Variants in AKAP6 observed in about 807,000 individuals in gnomAD.
AKAP6 encodes the protein A-kinase anchoring protein 6.
AKAP6 carries 58 observed loss-of-function variants against 188.5 expected under a neutral mutation model. The observed-to-expected ratio is 0.31, with a 90% CI of 0.25 to 0.38. The LOEUF (loss-of-function observed/expected upper bound fraction) is 0.38, where lower values mean the gene tolerates loss of function less well. Ranked by LOEUF, AKAP6 falls within the 10% of genes least tolerant of loss-of-function variation. The pLI, the probability that AKAP6 is intolerant of heterozygous loss-of-function variation, is 1.00. For synonymous variants in AKAP6, 989 were observed against 998.6 expected (o/e 0.99, Z 0.18); for missense variants, 2,710 against 2,740.0 (o/e 0.99, Z 0.24).
intron 8 of AKAP6, among the ~76,000 whole-genome samples, chr14:32,685,710 GC>G (rs1469215866): frequency 2.2e-5 from 3 of 138,708 alleles, no homozygotes; most frequent in African/African-American, 8.2e-5. Context: ...GGGCGACAGA[GC>G]GAGACTCCAT....
intron 1 of AKAP6, among the ~76,000 whole-genome samples, chr14:32,383,467 G>T (rs1888435028): frequency 6.6e-6 from 1 of 152,086 alleles, no homozygotes; most frequent in Admixed American, 6.5e-5. Context: ...CACATACTCT[G>T]AGGCTGAGAC....
intron 12 of AKAP6, among the ~76,000 whole-genome samples, chr14:32,801,784 T>G (rs2300849): frequency 0.43 from 65,309 of 151,990 alleles, 14,278 homozygotes; most frequent in African/African-American, 0.48. Context: ...GGAATTATAG[T>G]TTGGTGGTTT....
intron 2 of AKAP6, among the ~76,000 whole-genome samples, chr14:32,522,200 A>C (rs1594705665): frequency 6.6e-6 from 1 of 152,372 alleles, no homozygotes; most frequent in East Asian, 1.9e-4. Context: ...ATATGGATTA[A>C]AGACTTAAAT....
intron 7 of AKAP6, among the ~76,000 whole-genome samples, chr14:32,612,196 C>T (rs911114189): frequency 2.6e-5 from 4 of 152,194 alleles, no homozygotes; most frequent in African/African-American, 9.7e-5. Flanking sequence ...CCTTGTAAAA[C>T]ACCAGTTTCA....
chr14:32,742,124 T>G (rs2031707026), intron 11 of AKAP6, among the ~76,000 whole-genome samples: 1 of 151,948 alleles, frequency 6.6e-6, no homozygotes, highest in Non-Finnish European at 1.5e-5. Context: ...GTCTAGGAAT[T>G]TGTTCATTTC....
chr14:32,385,322 A>G (rs1888495099), intron 1 of AKAP6, among the ~76,000 whole-genome samples: 1 of 151,924 alleles, frequency 6.6e-6, no homozygotes, highest in Admixed American at 6.6e-5. Context: ...TTTTGATGGC[A>G]TTGGTTTGAA....
intron 1 of AKAP6, among the ~76,000 whole-genome samples, chr14:32,364,642 C>T (rs539938901): frequency 2.6e-5 from 4 of 152,248 alleles, no homozygotes; most frequent in South Asian, 2.1e-4. Flanking sequence ...TTTCCTATCT[C>T]GGCGCTGTCC....
chr14:32,535,504 C>T (rs1272135398), intron 2 of AKAP6, 50 bp from the exon 3 acceptor site: 1 of 1,574,852 alleles, frequency 6.3e-7, no homozygotes, highest in Non-Finnish European at 8.6e-7. Flanking sequence ...TCACCTCCCT[C>T]CAGGATAAGG....
At chr14:32,796,396 A>G (rs902855550) in intron 12 of AKAP6, among the ~76,000 whole-genome samples, 2 of 152,220 alleles carry the variant, frequency 1.3e-5, no homozygotes, top group Non-Finnish European at 2.9e-5. Context: ...GGCTACAGTA[A>G]CTAAAACAGC....
intron 5 of AKAP6, among the ~76,000 whole-genome samples, chr14:32,589,761 ATGCCGGGG>A (rs1885406119): frequency 6.6e-6 from 1 of 152,178 alleles, no homozygotes; most frequent in Non-Finnish European, 1.5e-5. Flanking sequence ...TTTAATTAGA[ATGCCGGGG>A]AAACACTGCA....
At chr14:32,618,774 T>C (rs946516944) in intron 7 of AKAP6, among the ~76,000 whole-genome samples, 12 of 152,216 alleles carry the variant, frequency 7.9e-5, no homozygotes, top group African/African-American at 2.9e-4. Context: ...ATCTCCATGC[T>C]GTTTTCCACA....
intron 2 of AKAP6, among the ~76,000 whole-genome samples, chr14:32,487,615 A>G (rs1305669614): frequency 2.6e-5 from 4 of 152,116 alleles, no homozygotes; most frequent in Non-Finnish European, 4.4e-5. Context: ...TTTGGAGGAG[A>G]GAGACATTCT....
At chr14:32,478,179 C>T (rs1215977182) in intron 2 of AKAP6, among the ~76,000 whole-genome samples, 3 of 152,140 alleles carry the variant, frequency 2.0e-5, no homozygotes, top group Admixed American at 6.5e-5. Context: ...TTTGGGTGCT[C>T]TTATTCAGTG....
At chr14:32,602,143 T>C (rs1406394292) in intron 7 of AKAP6, among the ~76,000 whole-genome samples, 2 of 152,148 alleles carry the variant, frequency 1.3e-5, no homozygotes, top group Non-Finnish European at 2.9e-5. Context: ...AACTCGGAGC[T>C]ATTTTAAGGA....
At chr14:32,829,483 G>T (rs1050455707) in intron 13 of AKAP6, among the ~76,000 whole-genome samples, 2 of 151,784 alleles carry the variant, frequency 1.3e-5, no homozygotes, top group African/African-American at 4.8e-5. Flanking sequence ...TGGCATCAGT[G>T]GCCTCACATT....
At chr14:32,702,755 A>G (rs889513428) in intron 9 of AKAP6, among the ~76,000 whole-genome samples, 1 of 152,152 alleles carries the variant, frequency 6.6e-6, no homozygotes, top group Non-Finnish European at 1.5e-5. Flanking sequence ...GCTCTGGCCT[A>G]GAGTGGATCA....
chr14:32,383,115 G>A (rs986444524), intron 1 of AKAP6, among the ~76,000 whole-genome samples: 11 of 151,764 alleles, frequency 7.2e-5, no homozygotes, highest in African/African-American at 2.7e-4. Context: ...GTGTGTGTGT[G>A]TGTGTGTGTG....
At chr14:32,763,762 T>G (rs1260801792) in intron 11 of AKAP6, among the ~76,000 whole-genome samples, 1 of 152,172 alleles carries the variant, frequency 6.6e-6, no homozygotes, top group Non-Finnish European at 1.5e-5. Flanking sequence ...CAATATAGAT[T>G]AAGTTCCAGG....
rs1197750855 is a variant in AKAP6 at position 32,831,431 on chromosome 14, A to C, written c.*1626A>C. 1 of 152,236 alleles carries C rather than the reference A, an allele frequency of 6.6e-6. No homozygotes were observed. The highest frequency in any genetic ancestry group is 1.5e-5 in the Non-Finnish European group (1 of 68,044). The allele number at this position is 152,236 out of a possible 1,614,324, so 9.4% of individuals were successfully genotyped here. On this transcript the variant is annotated 3_prime_UTR_variant, in exon 14 of 14. Transcript: ENST00000280979. ...ACACAACTAGAAAGAGGTACAATGC[A>C]ATATAAAGTCACAATAGATAATATA...
Sources: gnomAD v4.1 joint callset for allele counts (sites outside exome capture counted in the v4.1 genomes callset) on GRCh38, gnomAD v4.1.1 for gene constraint, MANE v1.5 for transcripts, NCBI Gene and HGNC (gene_info 2026-07-23, HGNC 2026-07-21) for gene names.